The following PBXIP1 variants were observed in gnomAD, a reference collection of about 807,000 sequenced individuals.
PBXIP1 encodes the protein pre-B-cell leukemia transcription factor-interacting protein 1.
A neutral mutation model predicts 73.7 loss-of-function variants in PBXIP1; 73 were observed. The observed-to-expected ratio is 0.99, with a 90% CI of 0.82 to 1.20. The LOEUF is 1.20. Ranked by LOEUF, PBXIP1 falls within the 50% of genes most tolerant of loss-of-function variation. The pLI, the probability that PBXIP1 is intolerant of heterozygous loss-of-function variation, is 0.00. For synonymous variants in PBXIP1, 330 were observed against 366.9 expected (o/e 0.90, Z 1.15); for missense variants, 818 against 911.4 (o/e 0.90, Z 1.32).
intron 5 of PBXIP1, 134 bp from the exon 6 acceptor site, chr1:154,948,500 T>G: frequency 1.6e-6 from 1 of 614,428 alleles, no homozygotes; most frequent in East Asian, 2.8e-5. Flanking sequence ...CATGAAGACC[T>G]TGCCCACTTG....
At position 154,945,607 on chromosome 1, in the gene PBXIP1, G is replaced by A. The variant is rs758964449; in HGVS notation, c.2067C>T (p.Phe689=). The change falls in exon 10 of 11, where the codon TTC becomes TTT. Residue 689 remains phenylalanine, a synonymous_variant. Transcript: ENST00000368463. The part of the protein sequence containing the change: ...DEVDDFEDFI[F]SHFFGDKALK... ...GTGCTTTGTCTCCAAAGAAGTGGCT[G>A]AAGATGAAGTCCTCAAAGTCATCTA... 6.2e-7 allele frequency: 1 copy of A among 1,614,042 alleles called. No individual in the cohort carries two copies. Among genetic ancestry groups the A allele is most frequent in the East Asian group, 2.2e-5 (1 of 44,888 alleles).
In PBXIP1 at chr1:154,946,222, GTC is replaced by G. The variant is rs751055768; in HGVS notation, c.1450_1451del (p.Asp484ProfsTer4). The G allele has an allele frequency of 3.7e-6, 6 of 1,613,986 alleles. No individual in the cohort carries two copies. The East Asian group carries it at 1.3e-4, about 36-fold the overall frequency. ...TATGTTTCCAGTGCTCAGCCTTCCGGTCTCTCTGCCCATCCCACCACTTTTCC... is the reference window on the plus strand; with the variant it reads ...TATGTTTCCAGTGCTCAGCCTTCCGGTCTCTGCCCATCCCACCACTTTTCC... Reference protein sequence around the residue: ...GKEKWWDGQRDRKAEHWKHKK... With the variant: ...GKEKWWDGQRXRKAEHWKHKK... On this transcript the variant is annotated frameshift_variant, in exon 10 of 11. Transcript: ENST00000368463. LOFTEE classifies it high-confidence loss of function.
At position 154,948,212 on chromosome 1, in the gene PBXIP1, G is replaced by A. The variant is rs150215229; in HGVS notation, c.564C>T (p.Gly188=). The change falls in exon 6 of 11, where the codon GGC becomes GGT. Residue 188 remains glycine (G), a synonymous_variant. Transcript: ENST00000368463. ...VENQAGGEGA[G]GELGISLNMC... ...TGTTGAGGGAGATGCCCAGCTCCCC[G>A]CCTGCACCCTCACCCCCAGCCTGGT... 95 of 1,611,514 alleles carry A rather than the reference G, an allele frequency of 5.9e-5. 1 individual carries two copies. Among genetic ancestry groups the A allele is most frequent in the South Asian group, 1.9e-4 (17 of 90,758 alleles).
chr1:154,948,284 G>A lies in PBXIP1; in HGVS notation c.492C>T (p.Gly164=). ...TGGGCTGAGGTGGGCCGGCCTCCCGGCCCCGCCGTCTCCGCAGACCCTCCA... is the reference window on the plus strand; with the variant it reads ...TGGGCTGAGGTGGGCCGGCCTCCCGACCCCGCCGTCTCCGCAGACCCTCCA... The part of the protein sequence containing the change: ...VDMEGLRRRR[G]REAGPPQPMV... Residue 164 remains glycine (G), a synonymous_variant, in exon 6 of 11, where the codon GGC becomes GGT. Coordinates refer to ENST00000368463, the MANE Select transcript of PBXIP1 (RefSeq NM_020524.4). 6.2e-7 allele frequency: 1 copy of A among 1,610,242 alleles called. No individual in the cohort carries two copies.
rs776039240 is a variant in PBXIP1 at position 154,948,329 on chromosome 1, G to A, written c.447C>T (p.Asp149=). The change falls in exon 6 of 11, where the codon GAC becomes GAT. Residue 149 remains aspartate, a synonymous_variant. Coordinates refer to ENST00000368463, the MANE Select transcript of PBXIP1 (RefSeq NM_020524.4). ...CCTCCATGTCCACGTCGGTGTCATC[G>A]TCACTGCTGGAGCAGCGGCCCTCCT... is the stretch of plus-strand genomic sequence containing the variant. ...IREEGRCSSS[D]DDTDVDMEGL... is the part of the protein sequence containing the mutation. 3.4e-5 allele frequency: 54 copies of A among 1,607,534 alleles called. No homozygotes were observed. Among genetic ancestry groups the A allele is most frequent in the Non-Finnish European group, 4.2e-5 (50 of 1,177,382 alleles).
Position 154,946,628 on chromosome 1 carries a change from G to C in PBXIP1, c.1046C>G (p.Pro349Arg), listed in dbSNP as rs1159989554. ...ACCCCCACTGAGGCACACCCCATCT[G>C]GGCCCCGGACACAGTCGGCCTCCAG... ...QGLEADCVRG[P>R]DGVCLSGGRG... is the part of the protein sequence containing the mutation. The change falls in exon 10 of 11, where the codon CCA becomes CGA. Residue 349 changes from proline (P) to arginine (R), a missense_variant. Pro to Arg is a moderately radical substitution (Grantham distance 103, BLOSUM62 -2). Coordinates refer to ENST00000368463, the MANE Select transcript of PBXIP1 (RefSeq NM_020524.4). 1 of 1,612,548 alleles carries C rather than the reference G, an allele frequency of 6.2e-7. No homozygotes were observed. Among genetic ancestry groups the C allele is most frequent in the East Asian group, 2.2e-5 (1 of 44,832 alleles).
rs775402574 is a variant in PBXIP1 at position 154,946,600 on chromosome 1, T to C, written c.1074A>G (p.Arg358=). The C allele has an allele frequency of 1.2e-6, 2 of 1,613,008 alleles. No individual in the cohort carries two copies. The highest frequency in any genetic ancestry group is 1.7e-6 in the Non-Finnish European group (2 of 1,179,696). ...GPDGVCLSGG[R]GPQGDKAIRE... Reference sequence around the variant, plus strand: ...TGATGGCCTTGTCACCCTGTGGGCCTCTACCCCCACTGAGGCACACCCCAT... The same window carrying C: ...TGATGGCCTTGTCACCCTGTGGGCCCCTACCCCCACTGAGGCACACCCCAT... The change falls in exon 10 of 11, where the codon AGA becomes AGG. Residue 358 remains arginine, a synonymous_variant. Coordinates refer to ENST00000368463, the MANE Select transcript of PBXIP1 (RefSeq NM_020524.4).
Position 154,951,655 on chromosome 1 carries a change from A to T in PBXIP1, c.179-120T>A. On this transcript the variant is annotated intron_variant, in intron 3 of 10. Transcript: ENST00000368463. This position sits in a 1 kb window ranked among gnomAD's most constrained non-coding sequence, Gnocchi z 4.3. ...AGAGGCAGGAAAAAGCCAGGATGGA[A>T]TGAGAAAAGGAGTTTGTCAACTGAG... is the stretch of plus-strand genomic sequence containing the variant. 7.1e-7 allele frequency: 1 copy of T among 1,405,952 alleles called. No individual in the cohort carries two copies. The highest frequency in any genetic ancestry group is 1.0e-6 in the Non-Finnish European group (1 of 998,090). The allele number at this position is 1,405,952 out of a possible 1,614,324, so 87.1% of individuals were successfully genotyped here.
rs1654755292 is a variant in PBXIP1 at position 154,945,082 on chromosome 1, C to G, written c.2138G>C (p.Arg713Thr). ...GKKDKHSQSP[R>T]AAGPREGHSH... ...GTGCCCCTCCCTGGGCCCCGCAGCT[C>G]TTGGGCTCTGTGAGTGCTTGTCCTT... The change falls in exon 11 of 11, where the codon AGA (arginine) becomes ACA (threonine). Residue 713 changes from arginine (R) to threonine (T), a missense_variant. Coordinates refer to ENST00000368463, the MANE Select transcript of PBXIP1 (RefSeq NM_020524.4). The G allele has an allele frequency of 1.2e-6, 2 of 1,614,026 alleles. No individual in the cohort carries two copies. The highest frequency in any genetic ancestry group is 1.1e-5 in the South Asian group (1 of 91,088).
chr1:154,946,550 TC>T lies in PBXIP1; in HGVS notation c.1123del (p.Glu375SerfsTer7). 1 of 1,612,572 alleles carries T rather than the reference TC, an allele frequency of 6.2e-7. No individual in the cohort carries two copies. The highest frequency in any genetic ancestry group is 1.1e-5 in the South Asian group (1 of 91,088). On this transcript the variant is annotated frameshift_variant, in exon 10 of 11. Coordinates refer to ENST00000368463, the MANE Select transcript of PBXIP1 (RefSeq NM_020524.4). LOFTEE classifies it high-confidence loss of function. ...AIREQGPREQ[E>X]PELSFLKQKE... ...CTGCTTCAGGAAGCTGAGTTCTGGCTCCTGCTCCCTGGGGCCTTGCTCCCTG... is the reference window on the plus strand; with the variant it reads ...CTGCTTCAGGAAGCTGAGTTCTGGCTCTGCTCCCTGGGGCCTTGCTCCCTG...
Position 154,946,491 on chromosome 1 carries a change from T to G in PBXIP1, c.1183A>C (p.Arg395=). ...CGTCGCTGCCTCTCTAACTCTTGCC[T>G]TAATGCCTGTGCCTCAGCCTCCAGC... The part of the protein sequence containing the change: ...EQLEAEAQAL[R]QELERQRRLL... The change falls in exon 10 of 11, where the codon AGG becomes CGG. Residue 395 remains arginine (R), a synonymous_variant. Transcript: ENST00000368463. The G allele has an allele frequency of 6.2e-7, 1 of 1,609,292 alleles. No individual in the cohort carries two copies. The highest frequency in any genetic ancestry group is 1.1e-5 in the South Asian group (1 of 91,086).
rs1654995024 is a variant in PBXIP1, at chr1:154,951,260, T to C, written c.381A>G (p.Pro127=). ...DTQDLEGQSP[P]QSLPSTPKAA... is the part of the protein sequence containing the mutation. ...CTTTGGGGGTTGAAGGCAGGCTCTG[T>C]GGAGGGCTCTGGCCTTCCAGGTCCT... Residue 127 remains proline (P), a synonymous_variant, in exon 5 of 11, where the codon CCA becomes CCG. Transcript: ENST00000368463. The surrounding 1 kb of genome is among the most constrained non-coding windows in gnomAD (Gnocchi z 4.3). 6.2e-7 allele frequency: 1 copy of C among 1,614,024 alleles called. No homozygotes were observed.
At chr1:154,955,796 C>G (rs1655159413) in intron 1 of PBXIP1, among the ~76,000 whole-genome samples, 1 of 152,186 alleles carries the variant, frequency 6.6e-6, no homozygotes, top group South Asian at 2.1e-4. Context: ...GGGGAGCTCT[C>G]CCACTCAGCA....
chr1:154,949,539 G>A (rs1401414934), intron 5 of PBXIP1, among the ~76,000 whole-genome samples: 1 of 152,002 alleles, frequency 6.6e-6, no homozygotes, highest in Non-Finnish European at 1.5e-5. Flanking sequence ...CTTTATATAA[G>A]CACACACTTC....
At chr1:154,955,065 G>A (rs1346762659) in intron 1 of PBXIP1, 2 of 533,692 alleles carry the variant, frequency 3.7e-6, no homozygotes, top group African/African-American at 4.1e-5. Context: ...GTCCTGGATA[G>A]GTCTTTCCCA....
intron 2 of PBXIP1, among the ~76,000 whole-genome samples, chr1:154,952,851 G>A (rs1032129524): frequency 7.9e-5 from 12 of 152,102 alleles, no homozygotes; most frequent in Middle Eastern, 6.8e-3. Flanking sequence ...TTGCTCCAGC[G>A]TCATCCCCAA....
Position 154,948,161 on chromosome 1 carries a change from C to A in PBXIP1, c.615G>T (p.Leu205=), listed in dbSNP as rs1401334026. 1 of 1,591,966 alleles carries A rather than the reference C, an allele frequency of 6.3e-7. No individual in the cohort carries two copies. The highest frequency in any genetic ancestry group is 8.6e-7 in the Non-Finnish European group (1 of 1,167,680). The change falls in exon 6 of 11, where the codon CTG becomes CTT. Residue 205 remains leucine, a synonymous_variant. Transcript: ENST00000368463. ...AGAAGAGGAGGACCCCCAGGCCAAG[C>A]AGAACCAGGGCCCCAAGGAGGCACA... ...LNMCLLGALV[L]LGLGVLLFSG... is the part of the protein sequence containing the mutation.
chr1:154,949,868 G>A (rs1403166171), intron 5 of PBXIP1, among the ~76,000 whole-genome samples: 2 of 151,960 alleles, frequency 1.3e-5, no homozygotes, highest in African/African-American at 2.4e-5. Context: ...TTTTGGGGGA[G>A]GATGCTAGGA....
At position 154,946,812 on chromosome 1, in the gene PBXIP1, T is replaced by C; in HGVS notation, c.871-9A>G. 4 of 1,520,834 alleles carry C rather than the reference T, an allele frequency of 2.6e-6. No homozygotes were observed. Among genetic ancestry groups the C allele is most frequent in the Non-Finnish European group, 2.6e-6 (3 of 1,135,812 alleles). 94.2% of individuals were successfully genotyped at this position (1,520,834 alleles called of 1,614,324 possible). The stretch of plus-strand genomic sequence containing the variant: ...AGCTCTTCCTTTTGGGCCTAGAATA[T>C]GGTTTGGGACAAAGGAAGTCACAAA... On this transcript the variant is annotated splice_polypyrimidine_tract_variant and intron_variant, in intron 9 of 10. Transcript: ENST00000368463.
Sources: gnomAD v4.1 joint callset for allele counts (sites outside exome capture counted in the v4.1 genomes callset) on GRCh38, gnomAD v4.1.1 for gene constraint, Gnocchi (gnomAD v3.1) non-coding constraint, MANE v1.5 for transcripts, NCBI Gene and HGNC (gene_info 2026-07-23, HGNC 2026-07-21) for gene names.